LAMA3: variants seen among roughly 807,000 people sequenced by gnomAD.
LAMA3 encodes the protein laminin subunit alpha 3, also known as laminin subunit alpha-3.
A neutral mutation model predicts 402.0 loss-of-function variants in LAMA3; 281 were observed. The ratio of observed to expected loss-of-function variants is 0.70; its 90% CI spans 0.63 to 0.77. The LOEUF is 0.77. Ranked by LOEUF, LAMA3 falls within the 30% of genes least tolerant of loss-of-function variation. The probability of loss-of-function intolerance (pLI) is 0.00; values close to 1 mark genes in which losing one functional copy is unlikely to be tolerated. For missense variants in LAMA3, 3,840 were observed against 4,215.5 expected, an observed-to-expected ratio of 0.91 and a Z score of 2.47; for synonymous variants, 1,431 against 1,558.4, an observed-to-expected ratio of 0.92 and a Z score of 1.93.
At chr18:23,769,604 T>C (rs992366052) in intron 8 of LAMA3, among the ~76,000 whole-genome samples, 1 of 152,316 alleles carries the variant, frequency 6.6e-6, no homozygotes, top group East Asian at 1.9e-4. Context: ...TTTAAAAACA[T>C]TCAAATAATC....
At chr18:23,794,238 G>T (rs2062719812) in intron 12 of LAMA3, among the ~76,000 whole-genome samples, 1 of 152,194 alleles carries the variant, frequency 6.6e-6, no homozygotes. Context: ...TCACAAAGGT[G>T]GGGGAAGATT....
chr18:23,941,810 A>G (rs1033384783), intron 68 of LAMA3, among the ~76,000 whole-genome samples: 5 of 152,194 alleles, frequency 3.3e-5, no homozygotes, highest in African/African-American at 1.2e-4. Context: ...GCTTTAGGAA[A>G]CAGTTCTGGA....
rs181441179 is a variant in LAMA3, at chr18:23,790,122, T to C, written c.1603+5965T>C. Among the ~76,000 whole-genome samples the C allele has an allele frequency of 4.3e-3, 662 of 152,328 alleles. 5 individuals are homozygous for C. Among genetic ancestry groups the C allele is most frequent in the South Asian group, 9.5e-3 (46 of 4,828 alleles). ...GAGTAGCACCCACATTTCTTTACTC[T>C]CAGCCTGGTATACAGCAGGAATTCT... On this transcript the variant is annotated intron_variant, in intron 12 of 74. Coordinates refer to ENST00000313654, the MANE Select transcript of LAMA3 (RefSeq NM_198129.4).
At chr18:23,952,877 T>C in intron 73 of LAMA3, 113 bp from the exon 74 acceptor site, 1 of 1,436,322 alleles carries the variant, frequency 7.0e-7, no homozygotes, top group Non-Finnish European at 9.8e-7. Flanking sequence ...ACCAAATTTC[T>C]GCAAACAGCA....
At chr18:23,819,160 C>T (rs1250038956) in intron 18 of LAMA3, among the ~76,000 whole-genome samples, 1 of 141,040 alleles carries the variant, frequency 7.1e-6, no homozygotes, top group Non-Finnish European at 1.5e-5. Flanking sequence ...TAGCTTGTGA[C>T]TGGATTGGCG....
intron 68 of LAMA3, among the ~76,000 whole-genome samples, chr18:23,941,828 T>A (rs1161039655): frequency 3.9e-5 from 6 of 152,170 alleles, no homozygotes; most frequent in Non-Finnish European, 7.3e-5. Flanking sequence ...GGAAAGCAAA[T>A]GTCAAATCTG....
At chr18:23,913,313 C>G (rs1186022335) in intron 56 of LAMA3, among the ~76,000 whole-genome samples, 7 of 152,198 alleles carry the variant, frequency 4.6e-5, no homozygotes, top group Non-Finnish European at 1.0e-4. Flanking sequence ...GATCCTTCCT[C>G]AAGCCTGTGG....
intron 40 of LAMA3, among the ~76,000 whole-genome samples, chr18:23,883,866 A>G (rs1258779368): frequency 6.6e-6 from 1 of 152,178 alleles, no homozygotes; most frequent in Non-Finnish European, 1.5e-5. Context: ...ATTTATCAGT[A>G]AAACTCTATT....
In LAMA3 at chr18:23,916,049, A is replaced by AAAAAGAAAAAG. The variant is rs2081609790; in HGVS notation, c.7779-493_7779-492insAGAAAAGAAAA. Among the ~76,000 whole-genome samples the AAAAAGAAAAAG allele has an allele frequency of 7.4e-4, 14 of 18,924 alleles. 1 individual carries two copies. Among genetic ancestry groups the AAAAAGAAAAAG allele is most frequent in the African/African-American group, 1.5e-3 (14 of 9,242 alleles). 12.4% of individuals were successfully genotyped at this position (18,924 alleles called of 152,430 possible). A position where few individuals can be genotyped will look rare whatever the true frequency, so the allele number is the denominator to read the frequency against. The stretch of plus-strand genomic sequence containing the variant: ...AAAAAAAAGAAAAGAAAAGAAAAAG[A>AAAAAGAAAAAG]AAAAGAAAAGAAAAGAAAAGAAAAA... On this transcript the variant is annotated intron_variant, in intron 59 of 74. Transcript: ENST00000313654.
intron 60 of LAMA3, among the ~76,000 whole-genome samples, chr18:23,919,730 G>A (rs2081763806): frequency 6.6e-6 from 1 of 152,108 alleles, no homozygotes. Context: ...CTGCGGGGCT[G>A]GAGAGCCAGA....
chr18:23,777,188 C>T (rs1401546711), intron 10 of LAMA3, among the ~76,000 whole-genome samples: 1 of 150,762 alleles, frequency 6.6e-6, no homozygotes, highest in Non-Finnish European at 1.5e-5. Context: ...AGTTTTATGG[C>T]ATAAACAAAA....
intron 52 of LAMA3, among the ~76,000 whole-genome samples, chr18:23,907,059 G>A (rs548521450): frequency 6.6e-6 from 1 of 152,304 alleles, no homozygotes; most frequent in East Asian, 1.9e-4. Context: ...GCCTGGATGA[G>A]GCTCTTTCAA....
chr18:23,777,879 T>A (rs556373850), intron 11 of LAMA3, among the ~76,000 whole-genome samples: 6 of 152,308 alleles, frequency 3.9e-5, no homozygotes, highest in African/African-American at 1.4e-4. Flanking sequence ...AGACCTTCAA[T>A]GGCAGCCAGT....
chr18:23,799,275 A>G (rs1320564199), intron 12 of LAMA3, among the ~76,000 whole-genome samples: 1 of 152,196 alleles, frequency 6.6e-6, no homozygotes, highest in Non-Finnish European at 1.5e-5. Context: ...ATACTCCGGA[A>G]ACTCCAAGGG....
rs574981267 is a variant in LAMA3 at position 23,763,900 on chromosome 18, T to C, written c.1182+377T>C. On this transcript the variant is annotated intron_variant, in intron 8 of 74. Coordinates refer to ENST00000313654, the MANE Select transcript of LAMA3 (RefSeq NM_198129.4). ...ATCCTGTTTTCAGACAGATTCTGAG[T>C]CTAGACTCAGTGAGGAAATGCATCA... Among the ~76,000 whole-genome samples the C allele has an allele frequency of 7.6e-4, 116 of 152,250 alleles. 1 individual carries two copies. The highest frequency in any genetic ancestry group is 3.4e-3 in the Middle Eastern group (1 of 294).
chr18:23,738,678 G>A (rs761398916), intron 2 of LAMA3, among the ~76,000 whole-genome samples: 36 of 152,184 alleles, frequency 2.4e-4, no homozygotes, highest in Non-Finnish European at 4.7e-4. Flanking sequence ...CTGACCACAC[G>A]TCAGCCCTGA....
intron 24 of LAMA3, 146 bp from the exon 25 acceptor site, chr18:23,836,835 C>T: frequency 8.6e-6 from 6 of 695,212 alleles, no homozygotes; most frequent in South Asian, 7.6e-5. Context: ...CTGCATCCTT[C>T]TTCAACTCAT....
chr18:23,904,339 C>T (rs777191110), intron 50 of LAMA3, among the ~76,000 whole-genome samples: 6 of 151,862 alleles, frequency 4.0e-5, no homozygotes, highest in Non-Finnish European at 8.8e-5. Context: ...AAATGAAATG[C>T]GAAGAGGCTG....
chr18:23,894,879 C>T lies in LAMA3; in HGVS notation c.5462-28C>T, dbSNP rs761292290. ...CAGTCCCACGGCTCCCCCCACAGCACATTTGCCTTTGATTGTGGCCCCTAC... is the reference window on the plus strand; with the variant it reads ...CAGTCCCACGGCTCCCCCCACAGCATATTTGCCTTTGATTGTGGCCCCTAC... On this transcript the variant is annotated intron_variant, in intron 43 of 74. Transcript: ENST00000313654. 1.7e-5 allele frequency: 27 copies of T among 1,614,114 alleles called. No homozygotes were observed. The South Asian group carries it at 2.9e-4, about 17-fold the overall frequency.
Sources: gnomAD v4.1 joint callset for allele counts (sites outside exome capture counted in the v4.1 genomes callset) on GRCh38, gnomAD v4.1.1 for gene constraint, MANE v1.5 for transcripts, NCBI Gene and HGNC (gene_info 2026-07-23, HGNC 2026-07-21) for gene names.